The following GSN variants were observed in gnomAD, a reference collection of about 807,000 sequenced individuals.
GSN encodes the protein gelsolin.
GSN carries 56 observed loss-of-function variants against 85.7 expected under a neutral mutation model. The ratio of observed to expected loss-of-function variants is 0.65; its 90% CI spans 0.53 to 0.82. GSN has a LOEUF of 0.82. Among genes scored for constraint, GSN ranks in the 40% least tolerant of loss-of-function variants. The pLI is 0.00. For missense variants in GSN, 857 were observed against 979.8 expected, an observed-to-expected ratio of 0.87 and a Z score of 1.67; for synonymous variants, 373 against 399.1, an observed-to-expected ratio of 0.93 and a Z score of 0.78.
At chr9:121,240,527 C>A (rs563765497) in intron 5 of GSN, among the ~76,000 whole-genome samples, 2 of 152,336 alleles carry the variant, frequency 1.3e-5, no homozygotes, top group East Asian at 3.9e-4. Context: ...TCTTTAGGGC[C>A]TGCTTTCCAG....
intron 4 of GSN, among the ~76,000 whole-genome samples, chr9:121,218,349 G>A (rs1462633918): frequency 6.6e-6 from 1 of 152,142 alleles, no homozygotes; most frequent in Non-Finnish European, 1.5e-5. Flanking sequence ...GAGAAAGGAC[G>A]AGAGGCCAGG....
chr9:121,331,390 C>A lies in GSN; in HGVS notation c.1968C>A (p.Val656=), dbSNP rs1235311516. ...TTCCTGTTGCATCTCACCTCCAGGTCTTTGTCTGGGTTGGAAAGGATTCTC... is the reference window on the plus strand; with the variant it reads ...TTCCTGTTGCATCTCACCTCCAGGTATTTGTCTGGGTTGGAAAGGATTCTC... ...DVMLLDTWDQ[V]FVWVGKDSQE... Residue 656 remains valine (V), a splice_region_variant and synonymous_variant, in exon 17 of 18, where the codon GTC becomes GTA. Transcript: ENST00000432226. The A allele has an allele frequency of 6.2e-7, 1 of 1,602,742 alleles. No individual in the cohort carries two copies. The highest frequency in any genetic ancestry group is 8.5e-7 in the Non-Finnish European group (1 of 1,171,420).
chr9:121,232,533 G>T (rs916018688), intron 5 of GSN, among the ~76,000 whole-genome samples: 2 of 152,090 alleles, frequency 1.3e-5, no homozygotes, highest in African/African-American at 4.8e-5. Flanking sequence ...CTCCAATTTT[G>T]CAACCTTTTT....
chr9:121,318,534 C>A lies in GSN; in HGVS notation c.975+40C>A. On this transcript the variant is annotated intron_variant, in intron 9 of 17. Transcript: ENST00000432226. This position sits in a 1 kb window ranked among gnomAD's most constrained non-coding sequence, Gnocchi z 4.3. ...CCAGGTAGGATGGGAAGGGGTGGGT[C>A]CTGTTTGGAGGGGATGGGCTGGAGT... is the stretch of plus-strand genomic sequence containing the variant. The A allele has an allele frequency of 6.5e-7, 1 of 1,547,336 alleles. No homozygotes were observed. Among genetic ancestry groups the A allele is most frequent in the Non-Finnish European group, 8.9e-7 (1 of 1,119,160 alleles).
At chr9:121,321,589 G>A (rs540582974) in intron 11 of GSN, among the ~76,000 whole-genome samples, 188 bp downstream of exon 11, 5 of 152,244 alleles carry the variant, frequency 3.3e-5, no homozygotes, top group East Asian at 3.9e-4. Context: ...CTTACCAAAT[G>A]ATTATACATC....
At chr9:121,310,340 T>C (rs772371677) in intron 4 of GSN, 31 of 348,964 alleles carry the variant, frequency 8.9e-5, no homozygotes, top group Non-Finnish European at 1.5e-4. Context: ...AAGGAATTGT[T>C]GCAGTTTTTT....
In GSN at chr9:121,327,289, C is replaced by T. The variant is rs1191975738; in HGVS notation, c.1588-19C>T. 1 of 1,610,348 alleles carries T rather than the reference C, an allele frequency of 6.2e-7. No homozygotes were observed. The highest frequency in any genetic ancestry group is 1.7e-5 in the Admixed American group (1 of 60,018). On this transcript the variant is annotated intron_variant, in intron 13 of 17. Transcript: ENST00000432226. The stretch of plus-strand genomic sequence containing the variant: ...GGCTTTTTGTCTGGTTCCTGATTAA[C>T]CAAGCTGTACCCTCCCAGGTATTGC...
At chr9:121,278,951 C>G (rs947830048) in intron 1 of GSN, among the ~76,000 whole-genome samples, 3 of 152,216 alleles carry the variant, frequency 2.0e-5, no homozygotes, top group African/African-American at 7.2e-5. Context: ...TGTGCACGTG[C>G]ACGTATGTGT....
At chr9:121,309,393 A>C (rs1363453101) in intron 4 of GSN, 1 of 152,222 alleles carries the variant, frequency 6.6e-6, no homozygotes, top group Non-Finnish European at 1.5e-5. Flanking sequence ...TTGTGTCTCC[A>C]CTTCAGAAAG....
chr9:121,328,377 C>A (rs531283286), intron 14 of GSN, among the ~76,000 whole-genome samples: 1 of 152,308 alleles, frequency 6.6e-6, no homozygotes, highest in Admixed American at 6.5e-5. Flanking sequence ...GGCTGTTGAG[C>A]ACTTGAAATG....
intron 5 of GSN, among the ~76,000 whole-genome samples, chr9:121,231,773 T>C (rs1015411325): frequency 2.0e-5 from 3 of 151,976 alleles, no homozygotes; most frequent in African/African-American, 7.2e-5. Context: ...TGGGAAAAAA[T>C]TTTAATCTTA....
intron 4 of GSN, among the ~76,000 whole-genome samples, chr9:121,218,590 G>A (rs1446610529): frequency 6.6e-6 from 1 of 152,152 alleles, no homozygotes; most frequent in Non-Finnish European, 1.5e-5. Flanking sequence ...AGCCGATAAC[G>A]CACCACTGCA....
intron 4 of GSN, chr9:121,222,346 A>G (rs888903372): frequency 6.6e-6 from 1 of 150,384 alleles, no homozygotes; most frequent in African/African-American, 2.5e-5. Context: ...TGACTCTTAA[A>G]GAAATATAAA....
At chr9:121,319,126 C>G (rs1015239092) in intron 10 of GSN, among the ~76,000 whole-genome samples, 2 of 152,230 alleles carry the variant, frequency 1.3e-5, no homozygotes, top group Non-Finnish European at 2.9e-5. Context: ...AGCCACAGAC[C>G]TGTGTGATCA....
intron 4 of GSN, among the ~76,000 whole-genome samples, chr9:121,224,519 A>G (rs2054236105): frequency 6.6e-6 from 1 of 152,310 alleles, no homozygotes; most frequent in African/African-American, 2.4e-5. Context: ...AAAGTAAGGT[A>G]CAAAAAGAGA....
Position 121,332,724 on chromosome 9 carries a change from TC to T in GSN, c.*122del. The T allele has an allele frequency of 4.2e-6, 3 of 713,256 alleles. No homozygotes were observed. The highest frequency in any genetic ancestry group is 1.8e-5 in the African/African-American group (1 of 55,526). The allele number at this position is 713,256 out of a possible 1,614,324, so 44.2% of individuals were successfully genotyped here. A position where few individuals can be genotyped will look rare whatever the true frequency, so the allele number is the denominator to read the frequency against. ...AGTGTGTGTGTGTGTGTGTGTTGTTTCTTTTTTTTTTTTTTACAGTATCCAA... is the reference window on the plus strand; with the variant it reads ...AGTGTGTGTGTGTGTGTGTGTTGTTTTTTTTTTTTTTTTTACAGTATCCAA... On this transcript the variant is annotated 3_prime_UTR_variant, in exon 18 of 18. Transcript: ENST00000432226. This position sits in a 1 kb window ranked among gnomAD's most constrained non-coding sequence, Gnocchi z 4.8.
At chr9:121,310,374 G>T (rs306784) in intron 4 of GSN, 146,563 of 409,426 alleles carry the variant, frequency 0.36, 29,444 homozygotes, top group African/African-American at 0.61. Flanking sequence ...GGCTACAGGG[G>T]TCCTTGTTAG....
intron 6 of GSN, among the ~76,000 whole-genome samples, chr9:121,250,735 C>T (rs2054807098): frequency 6.6e-6 from 1 of 151,796 alleles, no homozygotes; most frequent in Non-Finnish European, 1.5e-5. Context: ...GATGGGGTTT[C>T]ACCATGTTGG....
intron 4 of GSN, among the ~76,000 whole-genome samples, chr9:121,213,802 G>A (rs954275027): frequency 6.6e-6 from 1 of 152,136 alleles, no homozygotes; most frequent in East Asian, 1.9e-4. Flanking sequence ...CTCAGCACAT[G>A]GGCTGGGGTC....
Sources: gnomAD v4.1 joint callset for allele counts (sites outside exome capture counted in the v4.1 genomes callset) on GRCh38, gnomAD v4.1.1 for gene constraint, Gnocchi (gnomAD v3.1) non-coding constraint, MANE v1.5 for transcripts, NCBI Gene and HGNC (gene_info 2026-07-23, HGNC 2026-07-21) for gene names.